The following OAT variants were observed in gnomAD, a reference collection of about 807,000 sequenced individuals.
OAT encodes ornithine aminotransferase, also known as ornithine aminotransferase, mitochondrial.
A neutral mutation model predicts 48.4 loss-of-function variants in OAT; 35 were observed. That is an observed-to-expected ratio of 0.72 (90% CI 0.55 to 0.96). The LOEUF (loss-of-function observed/expected upper bound fraction) is 0.96, where lower values mean the gene tolerates loss of function less well. Among genes scored for constraint, OAT ranks in the 40% least tolerant of loss-of-function variants. OAT has a pLI of 0.00. For missense variants in OAT, 438 were observed against 537.9 expected (o/e 0.81, Z 1.84); for synonymous variants, 182 against 198.4 (o/e 0.92, Z 0.70).
chr10:124,413,866 G>A (rs543437764), intron 1 of OAT, among the ~76,000 whole-genome samples: 1 of 151,898 alleles, frequency 6.6e-6, no homozygotes, highest in South Asian at 2.1e-4. Flanking sequence ...ACTCTCCCCA[G>A]TCACCCCCAG....
intron 6 of OAT, 58 bp downstream of exon 6, chr10:124,403,740 C>T (rs1478539313): frequency 6.2e-7 from 1 of 1,612,172 alleles, no homozygotes; most frequent in African/African-American, 1.3e-5. Context: ...CCCATTCAGC[C>T]TCATCACAAA....
chr10:124,416,630 C>T (rs1225442281), intron 1 of OAT, among the ~76,000 whole-genome samples: 1 of 152,180 alleles, frequency 6.6e-6, no homozygotes, highest in African/African-American at 2.4e-5. Context: ...TTACTCCCTC[C>T]ATCTAGCCCA....
At position 124,408,618 on chromosome 10, in the gene OAT, A is replaced by G. The variant is rs1951667802; in HGVS notation, c.444T>C (p.Thr148=). ...PMNTGVEAGE[T]ACKLARKWGY... is the part of the protein sequence containing the mutation. ...CCCACTTACGAGCTAGTTTACAGGC[A>G]GTCTCTCCAGCCTCCACTCCTATCA... Residue 148 remains threonine (T), a synonymous_variant, in exon 4 of 10, where the codon ACT becomes ACC. Coordinates refer to ENST00000368845, the MANE Select transcript of OAT (RefSeq NM_000274.4). 3 of 1,612,934 alleles carry G rather than the reference A, an allele frequency of 1.9e-6. No individual in the cohort carries two copies. Among genetic ancestry groups the G allele is most frequent in the South Asian group, 2.2e-5 (2 of 91,048 alleles).
intron 4 of OAT, chr10:124,405,786 G>A (rs1951558982): frequency 7.5e-7 from 1 of 1,333,068 alleles, no homozygotes; most frequent in Non-Finnish European, 9.7e-7. Context: ...CCTATTTTAG[G>A]CATTTCTCTC....
At chr10:124,401,092 G>A in intron 8 of OAT, 108 bp from the exon 9 acceptor site, 1 of 703,396 alleles carries the variant, frequency 1.4e-6, no homozygotes, top group East Asian at 2.8e-5. Context: ...TAAAATACCA[G>A]AGGAACTTAA....
intron 9 of OAT, among the ~76,000 whole-genome samples, chr10:124,398,463 C>T (rs1485857972): frequency 1.3e-5 from 2 of 151,042 alleles, no homozygotes; most frequent in East Asian, 2.0e-4. Flanking sequence ...GCGGAGATCG[C>T]GCCACTGCAC....
intron 1 of OAT, among the ~76,000 whole-genome samples, chr10:124,416,979 A>C (rs1183333704): frequency 6.6e-6 from 1 of 152,210 alleles, no homozygotes; most frequent in East Asian, 1.9e-4. Context: ...TTTACTACTG[A>C]GAAAGGACCG....
At chr10:124,414,329 G>A (rs1373045478) in intron 1 of OAT, 1 of 152,166 alleles carries the variant, frequency 6.6e-6, no homozygotes, top group Non-Finnish European at 1.5e-5. Flanking sequence ...CAGTACTCCG[G>A]TTTGCCAAAG....
chr10:124,406,345 G>T (rs1189922556), intron 4 of OAT, among the ~76,000 whole-genome samples: 3 of 151,704 alleles, frequency 2.0e-5, no homozygotes, highest in Non-Finnish European at 4.4e-5. Context: ...ACAAAAATTA[G>T]CCAGGCATGG....
intron 4 of OAT, among the ~76,000 whole-genome samples, 197 bp downstream of exon 4, chr10:124,408,345 T>TA (rs1951656907): frequency 1.9e-4 from 15 of 78,798 alleles, no homozygotes; most frequent in East Asian, 5.3e-4. Flanking sequence ...ATATATATAT[T>TA]TTTTTTTTTT....
At chr10:124,409,294 G>A (rs559022369) in intron 2 of OAT, among the ~76,000 whole-genome samples, 148 of 152,334 alleles carry the variant, frequency 9.7e-4, no homozygotes, top group African/African-American at 3.1e-3. Context: ...GCAGGGAGCC[G>A]TGGCTCACGC....
intron 1 of OAT, among the ~76,000 whole-genome samples, chr10:124,417,262 C>G (rs28507178): frequency 0.061 from 8,760 of 143,006 alleles, 415 homozygotes; most frequent in Non-Finnish European, 0.085. Flanking sequence ...CCATGAAAAA[C>G]TGTAAACCCA....
At chr10:124,398,813 G>A (rs1453780324) in intron 9 of OAT, among the ~76,000 whole-genome samples, 3 of 151,966 alleles carry the variant, frequency 2.0e-5, no homozygotes, top group Admixed American at 6.6e-5. Context: ...TCAAGAGATC[G>A]AGACCATCCT....
At chr10:124,408,349 T>A (rs1477496320) in intron 4 of OAT, among the ~76,000 whole-genome samples, 193 bp downstream of exon 4, 85 of 131,444 alleles carry the variant, frequency 6.5e-4, no homozygotes, top group Non-Finnish European at 8.6e-4. Context: ...ATATATTTTT[T>A]TTTTTTTTTT....
chr10:124,400,570 T>C (rs1056482389), intron 9 of OAT, among the ~76,000 whole-genome samples: 3 of 151,466 alleles, frequency 2.0e-5, no homozygotes, highest in African/African-American at 7.3e-5. Context: ...CTGGCCAACA[T>C]TATGAAACCC....
At chr10:124,400,246 G>A (rs1231449606) in intron 9 of OAT, among the ~76,000 whole-genome samples, 5 of 151,920 alleles carry the variant, frequency 3.3e-5, no homozygotes, top group African/African-American at 9.7e-5. Flanking sequence ...TCAGGAGATC[G>A]AGACCACCCT....
chr10:124,416,703 T>G (rs1439031588), intron 1 of OAT, among the ~76,000 whole-genome samples: 2 of 152,192 alleles, frequency 1.3e-5, no homozygotes, highest in African/African-American at 2.4e-5. Flanking sequence ...TTGAAGTTAA[T>G]TTAGCCTATA....
At chr10:124,409,964 A>C (rs1951702101) in intron 2 of OAT, among the ~76,000 whole-genome samples, 1 of 152,230 alleles carries the variant, frequency 6.6e-6, no homozygotes. Flanking sequence ...CTAGTGGGAA[A>C]GTAAAAACAA....
intron 5 of OAT, 118 bp downstream of exon 5, chr10:124,405,318 G>T: frequency 2.7e-6 from 4 of 1,460,422 alleles, no homozygotes; most frequent in Non-Finnish European, 3.8e-6. Context: ...TGAAATCGTG[G>T]CTTAACTTAA....
Sources: allele counts gnomAD v4.1 joint callset (sites outside exome capture counted in the v4.1 genomes callset), GRCh38; gene constraint gnomAD v4.1.1; transcripts MANE v1.5; gene names NCBI Gene and HGNC (gene_info 2026-07-23, HGNC 2026-07-21).